Variants in DAB1 observed in about 807,000 individuals in gnomAD.
DAB1 encodes the protein DAB adaptor protein 1.
A neutral mutation model predicts 64.6 loss-of-function variants in DAB1; 15 were observed. That is an observed-to-expected ratio of 0.23 (90% CI 0.16 to 0.36). The LOEUF (loss-of-function observed/expected upper bound fraction) is 0.36, where lower values mean the gene tolerates loss of function less well. Ranked by LOEUF, DAB1 falls within the 10% of genes least tolerant of loss-of-function variation. The pLI, the probability that DAB1 is intolerant of heterozygous loss-of-function variation, is 1.00. For missense variants in DAB1, 596 were observed against 706.7 expected (o/e 0.84, Z 1.78); for synonymous variants, 235 against 251.9 (o/e 0.93, Z 0.64).
intron 1 of DAB1, among the ~76,000 whole-genome samples, chr1:57,402,833 G>A (rs1428624531): frequency 6.6e-6 from 1 of 152,030 alleles, no homozygotes; most frequent in Non-Finnish European, 1.5e-5. Context: ...TGCATCCCAG[G>A]ACCCTTCCTC....
intron 2 of DAB1, among the ~76,000 whole-genome samples, chr1:57,163,998 C>G (rs1201575801): frequency 6.6e-6 from 1 of 152,128 alleles, no homozygotes; most frequent in Non-Finnish European, 1.5e-5. Context: ...TGGGTCCAGT[C>G]TTGATTAAGT....
In DAB1 at chr1:58,430,462, A is replaced by T. The variant is rs1310979460; in HGVS notation, n.257+75598T>A. Among the ~76,000 whole-genome samples the T allele has an allele frequency of 3.3e-5, 5 of 152,182 alleles. No individual in the cohort carries two copies. The East Asian group carries it at 9.6e-4, about 29-fold the overall frequency. ...AGAGATCATATCAGGTTAAAAAAGG[A>T]GGACAAGAAGAAGAACTGGAAAGGC... is the stretch of plus-strand genomic sequence containing the variant. On this transcript the variant is annotated intron_variant and non_coding_transcript_variant, in intron 3 of 20. Transcript: ENST00000485760.
chr1:57,073,491 A>G lies in DAB1; in HGVS notation c.307-1077T>C, dbSNP rs553383125. ...GTGATCTTAACGGTTATTTTCCTAT[A>G]CTAAACCTACTTGAAACAATCCTCA... On this transcript the variant is annotated intron_variant, in intron 4 of 14. Transcript: ENST00000371236. 1.8e-4 allele frequency among the ~76,000 whole-genome samples: 27 copies of G among 152,304 alleles called. No individual in the cohort carries two copies. In the South Asian group the frequency reaches 4.4e-3, roughly 25 times the overall value.
intron 1 of DAB1, among the ~76,000 whole-genome samples, chr1:57,407,765 G>A (rs1483606563): frequency 7.8e-6 from 1 of 127,412 alleles, no homozygotes; most frequent in African/African-American, 3.4e-5. Context: ...GAAGATATCT[G>A]AAGTGTGTGT....
intron 7 of DAB1, among the ~76,000 whole-genome samples, chr1:57,573,094 G>A (rs1037507614): frequency 1.3e-5 from 2 of 151,972 alleles, no homozygotes; most frequent in Non-Finnish European, 2.9e-5. Context: ...TTTGGTTTTT[G>A]GTGTTTTTTT....
At chr1:58,409,159 T>C (rs1388201039) in intron 3 of DAB1, among the ~76,000 whole-genome samples, 3 of 148,092 alleles carry the variant, frequency 2.0e-5, no homozygotes, top group African/African-American at 7.3e-5. Context: ...AGTATCCCCA[T>C]TTTTCAGGTG....
intron 6 of DAB1, among the ~76,000 whole-genome samples, chr1:57,800,744 G>A (rs887845467): frequency 1.3e-5 from 2 of 152,158 alleles, no homozygotes; most frequent in African/African-American, 4.8e-5. Flanking sequence ...CCTTTCATCA[G>A]TTCCAGTGAC....
chr1:57,382,476 G>T (rs574430943), intron 1 of DAB1, among the ~76,000 whole-genome samples: 3 of 152,184 alleles, frequency 2.0e-5, no homozygotes, highest in East Asian at 3.9e-4. Context: ...CAAAACAATA[G>T]AATTTTATTA....
chr1:57,481,626 G>A (rs925633111), intron 7 of DAB1, among the ~76,000 whole-genome samples: 3 of 152,076 alleles, frequency 2.0e-5, no homozygotes, highest in African/African-American at 7.2e-5. Context: ...AGATCAGCCT[G>A]GCCAACATGG....
chr1:58,431,628 T>C (rs763072001), intron 3 of DAB1, among the ~76,000 whole-genome samples: 3 of 152,040 alleles, frequency 2.0e-5, no homozygotes, highest in South Asian at 4.1e-4. Flanking sequence ...ATATATATTT[T>C]ACACAGATAT....
At chr1:57,621,646 T>C (rs1645861224) in intron 7 of DAB1, among the ~76,000 whole-genome samples, 2 of 152,120 alleles carry the variant, frequency 1.3e-5, no homozygotes, top group African/African-American at 2.4e-5. Flanking sequence ...TGGCATGTGA[T>C]CCAGCACTAG....
At chr1:57,395,955 A>G (rs1682773474) in intron 1 of DAB1, among the ~76,000 whole-genome samples, 1 of 152,242 alleles carries the variant, frequency 6.6e-6, no homozygotes, top group South Asian at 2.1e-4. Context: ...AGCAGAGAAA[A>G]GAAGTAAAAG....
intron 1 of DAB1, among the ~76,000 whole-genome samples, chr1:57,400,212 T>C (rs1002244713): frequency 2.6e-5 from 4 of 152,142 alleles, no homozygotes; most frequent in Non-Finnish European, 5.9e-5. Flanking sequence ...TGCAAGTCCA[T>C]GCAAGAAACA....
chr1:57,297,139 C>T (rs1673263364), intron 1 of DAB1, among the ~76,000 whole-genome samples: 3 of 152,034 alleles, frequency 2.0e-5, no homozygotes, highest in African/African-American at 7.2e-5. Flanking sequence ...AAGGGGAGAG[C>T]TGTATTCACT....
At position 57,206,945 on chromosome 1, in the gene DAB1, CTTTCTCTT is replaced by C. The variant is rs1357824462; in HGVS notation, c.68-61524_68-61517del. 1.3e-4 allele frequency among the ~76,000 whole-genome samples: 17 copies of C among 128,556 alleles called. No individual in the cohort carries two copies. In the East Asian group the frequency reaches 2.7e-3, roughly 21 times the overall value. The allele number at this position is 128,556 out of a possible 152,430, so 84.3% of individuals were successfully genotyped here. A position where few individuals can be genotyped will look rare whatever the true frequency, so the allele number is the denominator to read the frequency against. On this transcript the variant is annotated intron_variant, in intron 2 of 14. Transcript: ENST00000371236. ...AACTCTTCTTTTCTTCTTTCTTTCT[CTTTCTCTT>C]TCTTTCCTTCCTTCCTTTTTTTTTT... is the stretch of plus-strand genomic sequence containing the variant.
At chr1:57,583,429 C>T (rs541703924) in intron 7 of DAB1, among the ~76,000 whole-genome samples, 9 of 151,570 alleles carry the variant, frequency 5.9e-5, no homozygotes, top group African/African-American at 1.7e-4. Context: ...TGGGACTACA[C>T]GCGCGCGCCA....
chr1:57,422,487 C>A (rs1684995278), intron 1 of DAB1, among the ~76,000 whole-genome samples: 1 of 152,182 alleles, frequency 6.6e-6, no homozygotes, highest in Non-Finnish European at 1.5e-5. Context: ...GACATCCAAA[C>A]GCACACGCAG....
At chr1:57,036,392 G>A (rs763565193) in intron 9 of DAB1, among the ~76,000 whole-genome samples, 2 of 152,082 alleles carry the variant, frequency 1.3e-5, no homozygotes, top group African/African-American at 2.4e-5. Context: ...CTCTGGCTCA[G>A]TCATTTCTCA....
At chr1:58,496,680 C>T (rs1645808443) in intron 3 of DAB1, among the ~76,000 whole-genome samples, 2 of 152,136 alleles carry the variant, frequency 1.3e-5, no homozygotes, top group South Asian at 4.1e-4. Context: ...TTCCTTTCAA[C>T]TCTGTTTTTC....
Sources: allele counts gnomAD v4.1 joint callset (sites outside exome capture counted in the v4.1 genomes callset), GRCh38; gene constraint gnomAD v4.1.1; transcripts MANE v1.5; gene names NCBI Gene and HGNC (gene_info 2026-07-23, HGNC 2026-07-21).